CFAP54: variants seen among roughly 807,000 people sequenced by gnomAD.
The protein encoded by CFAP54 is cilia- and flagella-associated protein 54.
CFAP54 carries 290 observed loss-of-function variants against 370.4 expected under a neutral mutation model. The observed-to-expected ratio is 0.78, with a 90% CI of 0.71 to 0.86. The LOEUF is 0.86. Ranked by LOEUF, CFAP54 falls within the 40% of genes least tolerant of loss-of-function variation. CFAP54 has a pLI of 0.00. For synonymous variants in CFAP54, 1,206 were observed against 1,236.5 expected (o/e 0.98, Z 0.52); for missense variants, 3,399 against 3,528.7 (o/e 0.96, Z 0.93).
chr12:96,667,494 A>G (rs1957095478), intron 39 of CFAP54, among the ~76,000 whole-genome samples: 1 of 152,212 alleles, frequency 6.6e-6, no homozygotes. Context: ...ACCATGTGGA[A>G]ACTTCCAAAG....
At chr12:96,645,317 A>C (rs1292087165) in intron 33 of CFAP54, 5 of 338,974 alleles carry the variant, frequency 1.5e-5, no homozygotes, top group Admixed American at 3.5e-5. Flanking sequence ...AGACAAACAA[A>C]GAGCCAAATC....
rs2160502 is a variant in CFAP54, at chr12:96,534,208, A to T, written c.1686A>T (p.Leu562Phe). ...YKEGQSTQIY[L>F]KKIAVHDTCL... is the part of the protein sequence containing the mutation. Reference sequence around the variant, plus strand: ...AAGGACAGTCAACTCAAATTTATTTAAAAAAAATTGCTGTTCATGGTAAGT... The same window carrying T: ...AAGGACAGTCAACTCAAATTTATTTTAAAAAAATTGCTGTTCATGGTAAGT... The change falls in exon 11 of 68, where the codon TTA becomes TTT. Residue 562 changes from leucine to phenylalanine, a missense_variant. Physicochemically the swap from Leu to Phe is conservative, Grantham distance 22. Around this residue, in one of 3 missense-constraint regions of CFAP54, gnomAD observed 2,796 missense variants for 2,869.7 expected, o/e 0.97. Transcript: ENST00000524981. The T allele has an allele frequency of 0.42, 584,245 of 1,388,162 alleles. 127,101 individuals carry two copies. Among genetic ancestry groups the T allele is most frequent in the South Asian group, 0.46 (34,210 of 74,920 alleles). The allele number at this position is 1,388,162 out of a possible 1,614,324, so 86.0% of individuals were successfully genotyped here.
chr12:96,529,384 G>T (rs1415125578), intron 9 of CFAP54, among the ~76,000 whole-genome samples: 4 of 152,098 alleles, frequency 2.6e-5, no homozygotes, highest in African/African-American at 9.7e-5. Flanking sequence ...ATTTCTGTTG[G>T]TGTGGAATTG....
chr12:96,794,428 C>CT (rs1248971128), intron 63 of CFAP54, among the ~76,000 whole-genome samples: 3 of 141,652 alleles, frequency 2.1e-5, no homozygotes, highest in African/African-American at 7.9e-5. Context: ...AGATGTTGTT[C>CT]TTTTTTTATT....
At chr12:96,627,458 A>G (rs1256708272) in intron 30 of CFAP54, among the ~76,000 whole-genome samples, 1 of 152,258 alleles carries the variant, frequency 6.6e-6, no homozygotes, top group Non-Finnish European at 1.5e-5. Context: ...ATTATGAGAC[A>G]TGCCAAATGA....
chr12:96,598,603 A>G (rs182755203), intron 25 of CFAP54, 42 bp from the exon 26 acceptor site: 97 of 575,094 alleles, frequency 1.7e-4, no homozygotes, highest in Middle Eastern at 7.9e-4. Flanking sequence ...ATGAGTAAGG[A>G]TGACATTTTA....
Position 96,784,715 on chromosome 12 carries a change from A to G in CFAP54, c.8282-2A>G. 1 of 1,500,200 alleles carries G rather than the reference A, an allele frequency of 6.7e-7. No homozygotes were observed. Among genetic ancestry groups the G allele is most frequent in the Non-Finnish European group, 8.8e-7 (1 of 1,133,316 alleles). The allele number at this position is 1,500,200 out of a possible 1,614,324, so 92.9% of individuals were successfully genotyped here. A position where few individuals can be genotyped will look rare whatever the true frequency, so the allele number is the denominator to read the frequency against. ...TTACAAAAAAAAGTTTTTCACTTTC[A>G]GACAACTACCAAGTCCTCTTCCAGA... On this transcript the variant is annotated splice_acceptor_variant, in intron 60 of 67. Coordinates refer to ENST00000524981, the MANE Select transcript of CFAP54 (RefSeq NM_001306084.2). LOFTEE classifies it high-confidence loss of function.
intron 32 of CFAP54, among the ~76,000 whole-genome samples, chr12:96,633,308 A>G (rs1956628313): frequency 6.6e-6 from 1 of 152,222 alleles, no homozygotes; most frequent in Non-Finnish European, 1.5e-5. Flanking sequence ...ATAATTATAG[A>G]TGCATGTGCA....
chr12:96,727,775 T>C (rs1262026189), intron 50 of CFAP54, among the ~76,000 whole-genome samples: 2 of 152,026 alleles, frequency 1.3e-5, no homozygotes, highest in Non-Finnish European at 2.9e-5. Flanking sequence ...CTAGTCTCGA[T>C]GGTCTTTACA....
chr12:96,666,572 G>A (rs553086144), intron 39 of CFAP54, among the ~76,000 whole-genome samples: 1 of 152,324 alleles, frequency 6.6e-6, no homozygotes, highest in South Asian at 2.1e-4. Flanking sequence ...GAGAGCATGT[G>A]CAGGGGAACT....
chr12:96,574,073 C>G (rs185461276), intron 19 of CFAP54, among the ~76,000 whole-genome samples: 1 of 152,266 alleles, frequency 6.6e-6, no homozygotes, highest in East Asian at 1.9e-4. Context: ...CAATTTCGAC[C>G]AGGCTTCATT....
At chr12:96,801,855 G>A (rs191723537) in intron 63 of CFAP54, among the ~76,000 whole-genome samples, 28 of 152,322 alleles carry the variant, frequency 1.8e-4, no homozygotes, top group Admixed American at 1.7e-3. Flanking sequence ...TGTGGGCTGA[G>A]TTTGGGCTGA....
At chr12:96,497,568 G>A (rs1954969554) in intron 1 of CFAP54, among the ~76,000 whole-genome samples, 1 of 152,150 alleles carries the variant, frequency 6.6e-6, no homozygotes, top group African/African-American at 2.4e-5. Context: ...AATTAGCAAG[G>A]CACATTCCTT....
In CFAP54 at chr12:96,540,941, A is replaced by G; in HGVS notation, c.2031A>G (p.Ile677Met). 1 of 1,518,134 alleles carries G rather than the reference A, an allele frequency of 6.6e-7. No individual in the cohort carries two copies. The highest frequency in any genetic ancestry group is 8.8e-7 in the Non-Finnish European group (1 of 1,140,372). 94.0% of individuals were successfully genotyped at this position (1,518,134 alleles called of 1,614,324 possible). Residue 677 changes from isoleucine to methionine, a missense_variant, in exon 14 of 68, where the codon ATA (isoleucine) becomes ATG (methionine). Ile to Met is a conservative substitution (Grantham distance 10). This residue lies in a region of CFAP54 where 2,796 missense variants were observed against 2,869.7 expected (regional missense o/e 0.97). Coordinates refer to ENST00000524981, the MANE Select transcript of CFAP54 (RefSeq NM_001306084.2). ...VAEVTLRLSE[I>M]LESLGSPGRK... is the part of the protein sequence containing the mutation. ...AAGTCACATTACGGTTAAGTGAAAT[A>G]TTGGAATCTTTAGGAAGCCCAGGAA...
At chr12:96,679,843 C>T (rs1175389728) in intron 40 of CFAP54, 91 bp downstream of exon 40, 1 of 1,306,328 alleles carries the variant, frequency 7.7e-7, no homozygotes, top group African/African-American at 1.5e-5. Flanking sequence ...TTCTTCCCTC[C>T]CCGTGTACAT....
intron 67 of CFAP54, among the ~76,000 whole-genome samples, chr12:96,870,680 G>T (rs902614874): frequency 5.9e-5 from 9 of 152,172 alleles, no homozygotes; most frequent in African/African-American, 1.4e-4. Context: ...TTTTGTTTTG[G>T]TTTGGTTTGG....
intron 42 of CFAP54, 26 bp from the exon 43 acceptor site, chr12:96,688,890 A>C (rs750990486): frequency 7.0e-7 from 1 of 1,419,782 alleles, no homozygotes; most frequent in Non-Finnish European, 9.7e-7. Flanking sequence ...TCTACTAATC[A>C]ATTTTTTTTT....
At chr12:96,518,154 G>T (rs1955261044) in intron 5 of CFAP54, among the ~76,000 whole-genome samples, 1 of 152,164 alleles carries the variant, frequency 6.6e-6, no homozygotes, top group Admixed American at 6.5e-5. Context: ...CCAGCCACTA[G>T]GTGGTAAAAT....
chr12:96,766,389 G>A (rs964064007), intron 60 of CFAP54, among the ~76,000 whole-genome samples: 20 of 152,040 alleles, frequency 1.3e-4, no homozygotes, highest in Non-Finnish European at 2.6e-4. Context: ...CCCATAGGTG[G>A]GTTCTCTGGG....
Sources: allele counts gnomAD v4.1 joint callset (sites outside exome capture counted in the v4.1 genomes callset), GRCh38; gene constraint gnomAD v4.1.1; regional missense constraint gnomAD v4.1.1; transcripts MANE v1.5; gene names NCBI Gene and HGNC (gene_info 2026-07-23, HGNC 2026-07-21).